Variants in OR3A1 observed in about 807,000 individuals in gnomAD.
OR3A1 encodes the protein olfactory receptor 3A1.
For missense variants in OR3A1, 402 were observed against 393.8 expected (o/e 1.02, Z -0.18); for synonymous variants, 145 against 160.0 (o/e 0.91, Z 0.71).
At chr17:3,296,885 T>C (rs2048922945) in intron 1 of OR3A1, among the ~76,000 whole-genome samples, 4 of 152,238 alleles carry the variant, frequency 2.6e-5, no homozygotes, top group Admixed American at 2.0e-4. Context: ...GGAATCATTT[T>C]TTCCAATGTT....
At position 3,291,401 on chromosome 17, in the gene OR3A1, C is replaced by G. The variant is rs2048865111; in HGVS notation, c.*234G>C. On this transcript the variant is annotated 3_prime_UTR_variant, in exon 2 of 2. Coordinates refer to ENST00000323404, the MANE Select transcript of OR3A1 (RefSeq NM_002550.3). Reference sequence around the variant, plus strand: ...TCACCTCTAGCCAGAAAGGAGAGAACACGGTGCCTGAAGCTGAATTTGTCT... The same window carrying G: ...TCACCTCTAGCCAGAAAGGAGAGAAGACGGTGCCTGAAGCTGAATTTGTCT... 2.4e-6 allele frequency: 1 copy of G among 422,494 alleles called. No homozygotes were observed. Among genetic ancestry groups the G allele is most frequent in the East Asian group, 3.4e-5 (1 of 29,010 alleles). The allele number at this position is 422,494 out of a possible 1,614,324, so 26.2% of individuals were successfully genotyped here. A position where few individuals can be genotyped will look rare whatever the true frequency, so the allele number is the denominator to read the frequency against.
At chr17:3,294,172 AAT>A (rs1435818790) in intron 1 of OR3A1, among the ~76,000 whole-genome samples, 1 of 150,630 alleles carries the variant, frequency 6.6e-6, no homozygotes, top group Non-Finnish European at 1.5e-5. Context: ...CCTCTCTAAA[AAT>A]AAAATAAAAA....
chr17:3,292,666 C>A, intron 1 of OR3A1, 78 bp from the exon 2 acceptor site: 1 of 1,240,622 alleles, frequency 8.1e-7, no homozygotes, highest in Non-Finnish European at 1.1e-6. Context: ...AACAGACCCC[C>A]TTCTACTTGC....
At chr17:3,297,959 G>A (rs1054703068) in intron 1 of OR3A1, among the ~76,000 whole-genome samples, 2 of 151,852 alleles carry the variant, frequency 1.3e-5, no homozygotes, top group South Asian at 2.1e-4. Flanking sequence ...TCTAGATGGC[G>A]TGGGGTTTCT....
Position 3,292,473 on chromosome 17 carries a change from G to A in OR3A1, c.110C>T (p.Ala37Val), listed in dbSNP as rs765161399. The change falls in exon 2 of 2, where the codon GCC becomes GTC. Residue 37 changes from alanine to valine, a missense_variant. Coordinates refer to ENST00000323404, the MANE Select transcript of OR3A1 (RefSeq NM_002550.3). The stretch of plus-strand genomic sequence containing the variant: ...GTTGCCCCTGACCGTGACCAGGTAG[G>A]CAAAGAGGAAGAGCACAAAGACAAC... ...QPVVFVLFLF[A>V]YLVTVRGNLS... 2 of 1,613,770 alleles carry A rather than the reference G, an allele frequency of 1.2e-6. No homozygotes were observed. The highest frequency in any genetic ancestry group is 1.3e-5 in the African/African-American group (1 of 74,890).
chr17:3,291,822 A>C lies in OR3A1; in HGVS notation c.761T>G (p.Phe254Cys). 1 of 1,613,848 alleles carries C rather than the reference A, an allele frequency of 6.2e-7. No individual in the cohort carries two copies. Residue 254 changes from phenylalanine to cysteine, a missense_variant, in exon 2 of 2, where the codon TTC (phenylalanine) becomes TGC (cysteine). Transcript: ENST00000323404. ...CGSHLTVVAIFYGSGIFNYMR... is the reference protein window; with the variant it reads ...CGSHLTVVAICYGSGIFNYMR... ...ATAGTTAAAGATACCTGAACCATAG[A>C]ATATGGCAACCACAGTGAGGTGGGA...
In OR3A1 at chr17:3,292,279, T is replaced by C. The variant is rs1036239372; in HGVS notation, c.304A>G (p.Thr102Ala). 1 of 1,613,926 alleles carries C rather than the reference T, an allele frequency of 6.2e-7. No individual in the cohort carries two copies. The highest frequency in any genetic ancestry group is 1.1e-5 in the South Asian group (1 of 91,054). ...KRAVPCGACL[T>A]QLFFFHLFVG... is the part of the protein sequence containing the mutation. ...AACAGATGGAAGAAGAAGAGCTGGG[T>C]AAGGCAGGCCCCACAGGGAACTGCA... The change falls in exon 2 of 2, where the codon ACC (threonine) becomes GCC (alanine). Residue 102 changes from threonine to alanine, a missense_variant. Transcript: ENST00000323404.
chr17:3,292,059 T>C lies in OR3A1; in HGVS notation c.524A>G (p.Asn175Ser), dbSNP rs61734043. ...AMSTLNFCGPNVINHFYCDLP... is the reference protein window; with the variant it reads ...AMSTLNFCGPSVINHFYCDLP... ...GTCACAGTAGAAGTGATTGATCACA[T>C]TGGGGCCACAGAAGTTGAGCGTGGA... Residue 175 changes from asparagine to serine, a missense_variant, in exon 2 of 2, where the codon AAT (asparagine) becomes AGT (serine). Asn to Ser is a conservative substitution (Grantham distance 46). Coordinates refer to ENST00000323404, the MANE Select transcript of OR3A1 (RefSeq NM_002550.3). 2,674 of 1,614,084 alleles carry C rather than the reference T, an allele frequency of 1.7e-3. 20 individuals are homozygous for C. In the African/African-American group the frequency reaches 0.02, roughly 12 times the overall value.
Position 3,291,711 on chromosome 17 carries a change from A to G in OR3A1, c.872T>C (p.Ile291Thr), listed in dbSNP as rs2048869168. Residue 291 changes from isoleucine to threonine, a missense_variant, in exon 2 of 2, where the codon ATC (isoleucine) becomes ACC (threonine). Physicochemically the swap from Ile to Thr is moderately conservative, Grantham distance 89 (BLOSUM62 -1). Transcript: ENST00000323404. ...NTVINPMLNPIIYSFRNPDVQ... is the reference protein window; with the variant it reads ...NTVINPMLNPTIYSFRNPDVQ... Reference sequence around the variant, plus strand: ...ATCAGGGTTTCTGAAGCTGTAGATGATTGGGTTCAGCATGGGATTGATGAC... The same window carrying G: ...ATCAGGGTTTCTGAAGCTGTAGATGGTTGGGTTCAGCATGGGATTGATGAC... 2 of 1,612,822 alleles carry G rather than the reference A, an allele frequency of 1.2e-6. No individual in the cohort carries two copies. Among genetic ancestry groups the G allele is most frequent in the African/African-American group, 1.3e-5 (1 of 74,912 alleles).
chr17:3,291,527 T>G lies in OR3A1; in HGVS notation c.*108A>C. The G allele has an allele frequency of 1.3e-6, 1 of 792,470 alleles. No homozygotes were observed. The highest frequency in any genetic ancestry group is 1.9e-5 in the South Asian group (1 of 51,310). The allele number at this position is 792,470 out of a possible 1,614,324, so 49.1% of individuals were successfully genotyped here. On this transcript the variant is annotated 3_prime_UTR_variant, in exon 2 of 2. Coordinates refer to ENST00000323404, the MANE Select transcript of OR3A1 (RefSeq NM_002550.3). ...TATTCCCTACAAAAAGTCCTTCTTA[T>G]GCCCATGAAACAGAAACAGGTGTGA... is the stretch of plus-strand genomic sequence containing the variant.
chr17:3,294,562 T>G (rs1055905698), intron 1 of OR3A1, among the ~76,000 whole-genome samples: 3 of 152,174 alleles, frequency 2.0e-5, no homozygotes, highest in African/African-American at 7.2e-5. Context: ...AACACTTGAC[T>G]TTACAATTCA....
At position 3,292,202 on chromosome 17, in the gene OR3A1, C is replaced by T; in HGVS notation, c.381G>A (p.Leu127=). The stretch of plus-strand genomic sequence containing the variant: ...TGTAGGTGAGGGGCCGGCAGATGGC[C>T]AGGAATCGGTCATAGGCCATGGCGG... ...LLTAMAYDRF[L]AICRPLTYST... The change falls in exon 2 of 2, where the codon CTG becomes CTA. Residue 127 remains leucine, a synonymous_variant. Coordinates refer to ENST00000323404, the MANE Select transcript of OR3A1 (RefSeq NM_002550.3). 2 of 1,614,120 alleles carry T rather than the reference C, an allele frequency of 1.2e-6. No individual in the cohort carries two copies. Among genetic ancestry groups the T allele is most frequent in the African/African-American group, 1.3e-5 (1 of 75,020 alleles).
In OR3A1 at chr17:3,292,348, C is replaced by T. The variant is rs376929342; in HGVS notation, c.235G>A (p.Val79Ile). 20 of 1,614,008 alleles carry T rather than the reference C, an allele frequency of 1.2e-5. No homozygotes were observed. Among genetic ancestry groups the T allele is most frequent in the African/African-American group, 5.3e-5 (4 of 74,892 alleles). Residue 79 changes from valine (V) to isoleucine (I), a missense_variant, in exon 2 of 2, where the codon GTC becomes ATC. Transcript: ENST00000323404. ...CGACTCAACATTGATGGAACAGTGA[C>T]GCTGATGCACCCAACATCCAGCACT... is the stretch of plus-strand genomic sequence containing the variant. ...LSVLDVGCIS[V>I]TVPSMLSRLL...
chr17:3,297,147 G>T (rs1257150262), intron 1 of OR3A1, among the ~76,000 whole-genome samples: 1 of 152,160 alleles, frequency 6.6e-6, no homozygotes, highest in African/African-American at 2.4e-5. Flanking sequence ...TCCCCATAAG[G>T]TGGTGGCTGT....
In OR3A1 at chr17:3,292,418, C is replaced by T. The variant is rs1178457701; in HGVS notation, c.165G>A (p.Glu55=). 6.2e-7 allele frequency: 1 copy of T among 1,613,992 alleles called. No homozygotes were observed. Among genetic ancestry groups the T allele is most frequent in the Non-Finnish European group, 8.5e-7 (1 of 1,180,006 alleles). Residue 55 remains glutamate, a synonymous_variant, in exon 2 of 2, where the codon GAG becomes GAA. Coordinates refer to ENST00000323404, the MANE Select transcript of OR3A1 (RefSeq NM_002550.3). ...AGTACATGGGGGTGTGGAGTTTGGGCTCCACCAAGACAGCTGCCAGGATGC... is the reference window on the plus strand; with the variant it reads ...AGTACATGGGGGTGTGGAGTTTGGGTTCCACCAAGACAGCTGCCAGGATGC... The part of the protein sequence containing the change: ...NLSILAAVLV[E]PKLHTPMYFF...
rs138768418 is a variant in OR3A1, at chr17:3,291,793, G to A, written c.790C>T (p.Arg264Ter). The change falls in exon 2 of 2, where the codon CGA becomes TGA. Residue 264 changes from arginine to a stop codon, truncating the protein, a stop_gained. Transcript: ENST00000323404. LOFTEE classifies it low-confidence loss of function (END_TRUNC). Reference protein sequence around the residue: ...FYGSGIFNYMRLGSTKLSDKD... With the variant: ...FYGSGIFNYM ...TCTGAAAGCTTGGTTGAACCCAGTC[G>A]CATATAGTTAAAGATACCTGAACCA... 117 of 1,613,708 alleles carry A rather than the reference G, an allele frequency of 7.3e-5. 1 individual carries two copies. The East Asian group carries it at 1.9e-3, about 26-fold the overall frequency.
chr17:3,293,694 A>G (rs1175449043), intron 1 of OR3A1, among the ~76,000 whole-genome samples: 3 of 152,198 alleles, frequency 2.0e-5, no homozygotes, highest in African/African-American at 7.2e-5. Context: ...TGGCAAAGAC[A>G]TGGAATCAAC....
Position 3,291,714 on chromosome 17 carries a change from G to A in OR3A1, c.869C>T (p.Pro290Leu), listed in dbSNP as rs201744534. Residue 290 changes from proline (P) to leucine (L), a missense_variant, in exon 2 of 2, where the codon CCA becomes CTA. Coordinates refer to ENST00000323404, the MANE Select transcript of OR3A1 (RefSeq NM_002550.3). Reference protein sequence around the residue: ...FNTVINPMLNPIIYSFRNPDV... With the variant: ...FNTVINPMLNLIIYSFRNPDV... ...AGGGTTTCTGAAGCTGTAGATGATT[G>A]GGTTCAGCATGGGATTGATGACAGT... is the stretch of plus-strand genomic sequence containing the variant. 24 of 1,612,912 alleles carry A rather than the reference G, an allele frequency of 1.5e-5. No individual in the cohort carries two copies. The highest frequency in any genetic ancestry group is 5.0e-5 in the Admixed American group (3 of 60,014).
rs752006235 is a variant in OR3A1 at position 3,292,090 on chromosome 17, C to T, written c.493G>A (p.Ala165Thr). 2.5e-6 allele frequency: 4 copies of T among 1,614,162 alleles called. No individual in the cohort carries two copies. The highest frequency in any genetic ancestry group is 3.4e-6 in the Non-Finnish European group (4 of 1,180,032). Residue 165 changes from alanine (A) to threonine (T), a missense_variant, in exon 2 of 2, where the codon GCC (alanine) becomes ACC (threonine). By Grantham distance (58) the Ala-to-Thr change is moderately conservative. Coordinates refer to ENST00000323404, the MANE Select transcript of OR3A1 (RefSeq NM_002550.3). ...CCACAGAAGTTGAGCGTGGACATGG[C>T]CACAGTGTGGGTCAGTGCGTTGGTG... is the stretch of plus-strand genomic sequence containing the variant. ...AFTNALTHTV[A>T]MSTLNFCGPN...
Sources: allele counts gnomAD v4.1 joint callset (sites outside exome capture counted in the v4.1 genomes callset), GRCh38; gene constraint gnomAD v4.1.1; transcripts MANE v1.5; gene names NCBI Gene and HGNC (gene_info 2026-07-23, HGNC 2026-07-21).